The following LRRC4C variants were observed in gnomAD, a reference collection of about 807,000 sequenced individuals.
LRRC4C encodes leucine rich repeat containing 4C, also known as leucine-rich repeat-containing protein 4C.
LRRC4C carries 5 observed loss-of-function variants against 33.6 expected under a neutral mutation model. That is an observed-to-expected ratio of 0.15 (90% CI 0.08 to 0.31). The LOEUF (loss-of-function observed/expected upper bound fraction) is 0.31. Ranked by LOEUF, LRRC4C falls within the 10% of genes least tolerant of loss-of-function variation. The pLI is 1.00. For synonymous variants in LRRC4C, 329 were observed against 302.0 expected (o/e 1.09, Z -0.93); for missense variants, 560 against 796.7 (o/e 0.70, Z 3.58).
chr11:40,405,814 C>T (rs563998451), intron 3 of LRRC4C, among the ~76,000 whole-genome samples: 2 of 151,410 alleles, frequency 1.3e-5, no homozygotes, highest in Admixed American at 6.6e-5. Flanking sequence ...AGAATTGGTG[C>T]AGCTGGGCTA....
chr11:40,273,526 C>A (rs893498269), intron 4 of LRRC4C, among the ~76,000 whole-genome samples: 15 of 152,082 alleles, frequency 9.9e-5, no homozygotes, highest in Non-Finnish European at 2.1e-4. Context: ...TTACTTTTGA[C>A]AAGTTACTGA....
At chr11:40,749,424 G>C (rs1439834007) in intron 2 of LRRC4C, among the ~76,000 whole-genome samples, 1 of 126,784 alleles carries the variant, frequency 7.9e-6, no homozygotes, top group Non-Finnish European at 1.7e-5. Context: ...AACAAATGAA[G>C]ATGGAAACAC....
chr11:41,111,469 A>T (rs1225322720), intron 1 of LRRC4C, among the ~76,000 whole-genome samples: 1 of 152,044 alleles, frequency 6.6e-6, no homozygotes, highest in African/African-American at 2.4e-5. Flanking sequence ...AGTATATTAA[A>T]CTATTAAATC....
intron 3 of LRRC4C, among the ~76,000 whole-genome samples, chr11:40,471,110 A>T (rs1270218877): frequency 6.6e-6 from 1 of 152,186 alleles, no homozygotes; most frequent in African/African-American, 2.4e-5. Flanking sequence ...GAAATGAAGG[A>T]AAAAATGTTA....
At chr11:41,435,391 A>G (rs1955391281) in intron 1 of LRRC4C, among the ~76,000 whole-genome samples, 2 of 152,218 alleles carry the variant, frequency 1.3e-5, no homozygotes, top group African/African-American at 4.8e-5. Context: ...GTGCTTTGAC[A>G]AAAATTATTA....
At chr11:40,153,454 TGAAAA>T in intron 5 of LRRC4C, among the ~76,000 whole-genome samples, 1 of 152,180 alleles carries the variant, frequency 6.6e-6, no homozygotes, top group East Asian at 1.9e-4. Flanking sequence ...CTGATTTACC[TGAAAA>T]GGAATTCAGG....
intron 1 of LRRC4C, among the ~76,000 whole-genome samples, chr11:41,378,559 G>A (rs754331540): frequency 1.4e-4 from 21 of 152,184 alleles, no homozygotes; most frequent in Non-Finnish European, 2.8e-4. Flanking sequence ...ATATCCATGC[G>A]GTATGCTCAA....
chr11:40,390,310 C>T, intron 3 of LRRC4C, among the ~76,000 whole-genome samples: 1 of 152,208 alleles, frequency 6.6e-6, no homozygotes, highest in East Asian at 1.9e-4. Context: ...TCAGCTTAAT[C>T]TCGAGTGTTA....
intron 1 of LRRC4C, among the ~76,000 whole-genome samples, chr11:41,437,427 A>G (rs544949647): frequency 4.0e-4 from 60 of 150,944 alleles, no homozygotes; most frequent in South Asian, 2.3e-3. Context: ...GCGCGCGCGC[A>G]CACACACACA....
chr11:41,186,627 G>A (rs767478883), intron 1 of LRRC4C, among the ~76,000 whole-genome samples: 1 of 152,154 alleles, frequency 6.6e-6, no homozygotes, highest in Non-Finnish European at 1.5e-5. Flanking sequence ...CACTGGGTCG[G>A]AGGTGGGGAG....
intron 2 of LRRC4C, among the ~76,000 whole-genome samples, chr11:40,909,877 G>A (rs945317823): frequency 4.6e-5 from 7 of 152,114 alleles, no homozygotes; most frequent in Non-Finnish European, 7.4e-5. Context: ...GAAAGGCAAC[G>A]CTTGAATATG....
intron 2 of LRRC4C, among the ~76,000 whole-genome samples, chr11:40,876,619 C>A (rs1954904514): frequency 6.6e-6 from 1 of 151,870 alleles, no homozygotes; most frequent in Admixed American, 6.6e-5. Flanking sequence ...TAAAAGAAAT[C>A]TCAGGCTGGG....
At chr11:40,529,149 G>T (rs1956175421) in intron 3 of LRRC4C, among the ~76,000 whole-genome samples, 1 of 151,886 alleles carries the variant, frequency 6.6e-6, no homozygotes, top group Admixed American at 6.6e-5. Context: ...TTATTATGAG[G>T]GTAGATATCA....
intron 3 of LRRC4C, among the ~76,000 whole-genome samples, chr11:40,343,725 A>AAAAAG (rs1555025545): frequency 1.3e-3 from 189 of 151,188 alleles, no homozygotes; most frequent in African/African-American, 4.2e-3. Context: ...AAAAAAAAAA[A>AAAAAG]AGAGAGAGAC....
chr11:40,942,908 TACTA>T (rs1259213255), intron 1 of LRRC4C, among the ~76,000 whole-genome samples: 1 of 152,162 alleles, frequency 6.6e-6, no homozygotes, highest in African/African-American at 2.4e-5. Flanking sequence ...TAACCCCTAT[TACTA>T]ACTTTCTATG....
intron 2 of LRRC4C, among the ~76,000 whole-genome samples, chr11:40,865,878 TA>T (rs1314781741): frequency 6.6e-6 from 1 of 151,932 alleles, no homozygotes; most frequent in African/African-American, 2.4e-5. Context: ...AGTACATTAT[TA>T]ATAACATAAG....
chr11:41,060,610 T>C (rs1297955360), intron 1 of LRRC4C, among the ~76,000 whole-genome samples: 1 of 152,202 alleles, frequency 6.6e-6, no homozygotes, highest in African/African-American at 2.4e-5. Flanking sequence ...TAACTTCATC[T>C]AACTGTAATT....
intron 1 of LRRC4C, among the ~76,000 whole-genome samples, chr11:41,272,112 A>G (rs915399374): frequency 1.2e-4 from 18 of 152,186 alleles, no homozygotes; most frequent in African/African-American, 4.3e-4. Context: ...AGGAGTCATC[A>G]AAATATGCTA....
At chr11:40,778,665 A>G (rs1018595805) in intron 2 of LRRC4C, among the ~76,000 whole-genome samples, 1 of 152,180 alleles carries the variant, frequency 6.6e-6, no homozygotes, top group Non-Finnish European at 1.5e-5. Flanking sequence ...AAATAGATTG[A>G]TCAAGGAAAG....
Sources: gnomAD v4.1 joint callset for allele counts (sites outside exome capture counted in the v4.1 genomes callset) on GRCh38, gnomAD v4.1.1 for gene constraint, MANE v1.5 for transcripts, NCBI Gene and HGNC (gene_info 2026-07-23, HGNC 2026-07-21) for gene names.